The following SLC24A2 variants were observed in gnomAD, a reference collection of about 807,000 sequenced individuals.
SLC24A2 encodes sodium/potassium/calcium exchanger 2.
In SLC24A2, 36 loss-of-function variants were observed where a neutral mutation model predicts 62.0. The observed-to-expected ratio is 0.58, with a 90% CI of 0.44 to 0.77. SLC24A2 has a LOEUF of 0.77. Ranked by LOEUF, SLC24A2 falls within the 30% of genes least tolerant of loss-of-function variation. The pLI, the probability that SLC24A2 is intolerant of heterozygous loss-of-function variation, is 0.00. For synonymous variants in SLC24A2, 358 were observed against 294.0 expected, an observed-to-expected ratio of 1.22 and a Z score of -2.23; for missense variants, 846 against 817.9, an observed-to-expected ratio of 1.03 and a Z score of -0.42.
chr9:19,929,526 A>G, the SLC24A2 span: 1 of 152,208 alleles, frequency 6.6e-6, no homozygotes, highest in Non-Finnish European at 1.5e-5. Context: ...AGAGCAACAC[A>G]TTACTCACTT....
the SLC24A2 span, among the ~76,000 whole-genome samples, chr9:20,292,667 A>G: frequency 6.6e-6 from 1 of 152,102 alleles, no homozygotes; most frequent in Admixed American, 6.5e-5. Flanking sequence ...GTGCAATGGC[A>G]CAAACAGCTC....
At chr9:20,266,073 T>A in the SLC24A2 span, among the ~76,000 whole-genome samples, 1 of 152,202 alleles carries the variant, frequency 6.6e-6, no homozygotes, top group African/African-American at 2.4e-5. Context: ...CGAAACTTCA[T>A]TAGCAATTTT....
chr9:19,633,630 A>C (rs946926186), intron 2 of SLC24A2, among the ~76,000 whole-genome samples: 1 of 152,174 alleles, frequency 6.6e-6, no homozygotes, highest in African/African-American at 2.4e-5. Flanking sequence ...GGGCCTCCCA[A>C]ATCGCTGGGG....
In SLC24A2 at chr9:19,622,292, G is replaced by A. The variant is rs1817926987; in HGVS notation, c.938C>T (p.Ala313Val). Reference sequence around the variant, plus strand: ...AGTTGGTTCATCCTTGTCCCTGGCTGCAGATGGCTGCATAAGAGAAAAAGG... The same window carrying A: ...AGTTGGTTCATCCTTGTCCCTGGCTACAGATGGCTGCATAAGAGAAAAAGG... Reference protein sequence around the residue: ...TAPEAQAKPSAARDKDEPTLP... With the variant: ...TAPEAQAKPSVARDKDEPTLP... The change falls in exon 3 of 11, where the codon GCA becomes GTA. Residue 313 changes from alanine to valine, a missense_variant. Coordinates refer to ENST00000341998, the MANE Select transcript of SLC24A2 (RefSeq NM_020344.4). The A allele has an allele frequency of 1.2e-6, 2 of 1,612,892 alleles. No individual in the cohort carries two copies. The highest frequency in any genetic ancestry group is 1.7e-6 in the Non-Finnish European group (2 of 1,179,086).
At chr9:19,613,923 G>T (rs1254870580) in intron 4 of SLC24A2, among the ~76,000 whole-genome samples, 1 of 152,212 alleles carries the variant, frequency 6.6e-6, no homozygotes, top group Non-Finnish European at 1.5e-5. Context: ...ACATGTCAGT[G>T]TCCTCTGAAT....
chr9:19,995,845 T>C, the SLC24A2 span, among the ~76,000 whole-genome samples: 1 of 152,226 alleles, frequency 6.6e-6, no homozygotes, highest in Non-Finnish European at 1.5e-5. Flanking sequence ...AGGCATCATG[T>C]GCTTAGTCAA....
intron 2 of SLC24A2, among the ~76,000 whole-genome samples, chr9:19,647,066 G>GCACACACACA (rs1158736193): frequency 3.9e-5 from 1 of 25,386 alleles, no homozygotes; most frequent in Non-Finnish European, 6.9e-5. Flanking sequence ...ACACACACGC[G>GCACACACACA]CGCACACACA....
chr9:19,702,622 G>A (rs71508798), intron 2 of SLC24A2, among the ~76,000 whole-genome samples: 27,227 of 152,102 alleles, frequency 0.18, 2,584 homozygotes, highest in Middle Eastern at 0.24. Context: ...TGATGTCTGC[G>A]TCTTGCATTA....
At chr9:19,573,267 C>T (rs1251858710) in intron 7 of SLC24A2, 84 bp downstream of exon 7, 2 of 939,644 alleles carry the variant, frequency 2.1e-6, no homozygotes, top group African/African-American at 3.2e-5. Flanking sequence ...CTGGGGCTTC[C>T]AAGGAGAATA....
chr9:19,810,361 TA>T, the SLC24A2 span, among the ~76,000 whole-genome samples: 1 of 152,228 alleles, frequency 6.6e-6, no homozygotes, highest in African/African-American at 2.4e-5. Flanking sequence ...TATCTGTTAA[TA>T]AAAAGTGTCT....
the SLC24A2 span, among the ~76,000 whole-genome samples, chr9:19,900,360 T>C: frequency 1.3e-5 from 2 of 152,224 alleles, no homozygotes; most frequent in African/African-American, 2.4e-5. Flanking sequence ...AATACTGGGT[T>C]ATCACAAAGC....
At chr9:20,199,340 G>C in the SLC24A2 span, among the ~76,000 whole-genome samples, 2 of 152,150 alleles carry the variant, frequency 1.3e-5, no homozygotes, top group African/African-American at 4.8e-5. Flanking sequence ...TGCTGAGACA[G>C]GCACTGTATA....
the SLC24A2 span, among the ~76,000 whole-genome samples, chr9:19,881,751 T>A: frequency 6.6e-6 from 1 of 152,214 alleles, no homozygotes; most frequent in Non-Finnish European, 1.5e-5. Context: ...TGTCAAATCA[T>A]GTAATACCAC....
At chr9:19,536,222 TTAAG>T (rs1173617986) in intron 8 of SLC24A2, among the ~76,000 whole-genome samples, 3 of 151,520 alleles carry the variant, frequency 2.0e-5, no homozygotes, top group African/African-American at 7.3e-5. Context: ...TTATTACACT[TTAAG>T]TTTTAGGGTA....
chr9:20,016,267 T>C, the SLC24A2 span, among the ~76,000 whole-genome samples: 6 of 152,332 alleles, frequency 3.9e-5, no homozygotes, highest in African/African-American at 1.4e-4. Context: ...TGAAATATTA[T>C]TACTAGGAAA....
chr9:19,655,096 C>T (rs932921527), intron 2 of SLC24A2, among the ~76,000 whole-genome samples: 34 of 152,226 alleles, frequency 2.2e-4, no homozygotes, highest in African/African-American at 8.0e-4. Context: ...ATAGTCCATT[C>T]ACCTTGAAAT....
At chr9:20,169,722 A>G in the SLC24A2 span, among the ~76,000 whole-genome samples, 5 of 151,966 alleles carry the variant, frequency 3.3e-5, no homozygotes, top group Non-Finnish European at 7.4e-5. Flanking sequence ...AGCCTATCCA[A>G]ATGAGAAGAA....
chr9:19,981,826 C>T, the SLC24A2 span, among the ~76,000 whole-genome samples: 1 of 152,092 alleles, frequency 6.6e-6, no homozygotes, highest in Admixed American at 6.6e-5. Flanking sequence ...TCTCTGCTTG[C>T]ATGGTGTCTA....
the SLC24A2 span, among the ~76,000 whole-genome samples, chr9:19,861,346 AC>A: frequency 6.6e-6 from 1 of 152,230 alleles, no homozygotes; most frequent in South Asian, 2.1e-4. Flanking sequence ...TCAAGGCAGT[AC>A]CTCTACAAGT....
Sources: gnomAD v4.1 joint callset for allele counts (sites outside exome capture counted in the v4.1 genomes callset) on GRCh38, gnomAD v4.1.1 for gene constraint, MANE v1.5 for transcripts, NCBI Gene and HGNC (gene_info 2026-07-23, HGNC 2026-07-21) for gene names.